Variants in TOM1L2 observed in about 807,000 individuals in gnomAD.
TOM1L2 encodes TOM1-like protein 2.
A neutral mutation model predicts 67.9 loss-of-function variants in TOM1L2; 31 were observed. That is an observed-to-expected ratio of 0.46 (90% CI 0.34 to 0.62). TOM1L2 has a LOEUF of 0.62. TOM1L2 is among the 20% of genes least tolerant of loss of function. The pLI is 0.01. For missense variants in TOM1L2, 606 were observed against 663.5 expected (o/e 0.91, Z 0.95); for synonymous variants, 256 against 254.0 (o/e 1.01, Z -0.07).
intron 1 of TOM1L2, among the ~76,000 whole-genome samples, chr17:17,914,148 C>T (rs372982501): frequency 2.0e-5 from 3 of 152,150 alleles, no homozygotes; most frequent in Non-Finnish European, 2.9e-5. Context: ...TCCCTCTGGG[C>T]GTGGACAGAG....
intron 14 of TOM1L2, 126 bp from the exon 15 acceptor site, chr17:17,847,909 G>A (rs2035738468): frequency 3.9e-6 from 5 of 1,266,816 alleles, no homozygotes; most frequent in East Asian, 2.3e-5. Flanking sequence ...GGAGCAGGTG[G>A]GTAGGGAGGG....
At chr17:17,883,812 G>A (rs2037852107) in intron 5 of TOM1L2, among the ~76,000 whole-genome samples, 2 of 152,142 alleles carry the variant, frequency 1.3e-5, no homozygotes, top group Admixed American at 1.3e-4. Flanking sequence ...AAATTAAGTC[G>A]TGTTCCTACG....
chr17:17,874,365 G>T (rs1222300938), intron 7 of TOM1L2, among the ~76,000 whole-genome samples: 1 of 151,944 alleles, frequency 6.6e-6, no homozygotes, highest in Non-Finnish European at 1.5e-5. Context: ...CCGCCTCCCA[G>T]GTTCAAGCAA....
intron 12 of TOM1L2, among the ~76,000 whole-genome samples, chr17:17,860,230 G>A (rs530932442): frequency 1.3e-4 from 20 of 152,366 alleles, no homozygotes; most frequent in South Asian, 8.3e-4. Flanking sequence ...TAATGCCCAC[G>A]CTGGGGCAGG....
intron 1 of TOM1L2, among the ~76,000 whole-genome samples, chr17:17,960,546 C>A (rs183176909): frequency 6.6e-6 from 1 of 152,274 alleles, no homozygotes; most frequent in East Asian, 1.9e-4. Flanking sequence ...CCATGTTGCC[C>A]AGACTGGTCT....
Position 17,903,102 on chromosome 17 carries a change from G to A in TOM1L2, c.137+4345C>T, listed in dbSNP as rs146724090. Reference sequence around the variant, plus strand: ...TCACTTCCTCCAAGAAGGCTTTGCTGCCAAAAGTCCCAAGGCTGACCACTG... The same window carrying A: ...TCACTTCCTCCAAGAAGGCTTTGCTACCAAAAGTCCCAAGGCTGACCACTG... On this transcript the variant is annotated intron_variant, in intron 2 of 14. Transcript: ENST00000379504. 8.5e-5 allele frequency among the ~76,000 whole-genome samples: 13 copies of A among 152,232 alleles called. No homozygotes were observed. In the East Asian group the frequency reaches 2.5e-3, roughly 29 times the overall value.
chr17:17,884,921 C>A (rs1382572139), intron 4 of TOM1L2, among the ~76,000 whole-genome samples, 153 bp from the exon 5 acceptor site: 1 of 152,194 alleles, frequency 6.6e-6, no homozygotes, highest in Non-Finnish European at 1.5e-5. Context: ...CCTCTCCTTC[C>A]GCAACTGCTG....
chr17:17,940,940 C>G (rs2040708632), intron 1 of TOM1L2, among the ~76,000 whole-genome samples: 1 of 152,204 alleles, frequency 6.6e-6, no homozygotes, highest in Admixed American at 6.5e-5. Context: ...GGAGGCTTCT[C>G]TATGATGCTT....
At chr17:17,917,893 T>C (rs774612139) in intron 1 of TOM1L2, among the ~76,000 whole-genome samples, 6 of 152,046 alleles carry the variant, frequency 3.9e-5, no homozygotes, top group Admixed American at 3.3e-4. Context: ...AGGTCAAGGC[T>C]GCACTGAGCC....
chr17:17,863,812 G>A lies in TOM1L2; in HGVS notation c.1085-964C>T, dbSNP rs182199340. ...GATCTTCCCACCTCGGCCTCCCAAA[G>A]TGATGAGATTGCAAGTGTGAGCCAC... On this transcript the variant is annotated intron_variant, in intron 10 of 14. Coordinates refer to ENST00000379504, the MANE Select transcript of TOM1L2 (RefSeq NM_001082968.2). 2.6e-3 allele frequency among the ~76,000 whole-genome samples: 388 copies of A among 152,102 alleles called. 1 individual carries two copies. The highest frequency in any genetic ancestry group is 8.9e-3 in the African/African-American group (368 of 41,442).
intron 6 of TOM1L2, among the ~76,000 whole-genome samples, chr17:17,880,734 G>A (rs760206829): frequency 2.0e-5 from 3 of 152,180 alleles, no homozygotes; most frequent in Non-Finnish European, 4.4e-5. Context: ...CTACAGAAAG[G>A]TGGCACTAAC....
At chr17:17,950,462 CTT>C (rs1002265522) in intron 1 of TOM1L2, among the ~76,000 whole-genome samples, 14 of 147,728 alleles carry the variant, frequency 9.5e-5, no homozygotes, top group Non-Finnish European at 1.2e-4. Context: ...CCTAGCCTCT[CTT>C]TTTTTTTTTT....
At chr17:17,923,831 C>T (rs1464293705) in intron 1 of TOM1L2, among the ~76,000 whole-genome samples, 2 of 151,786 alleles carry the variant, frequency 1.3e-5, no homozygotes, top group Non-Finnish European at 2.9e-5. Context: ...AGAGCAAGAA[C>T]TTGTGTCTAA....
At chr17:17,882,955 G>T in intron 5 of TOM1L2, 92 bp from the exon 6 acceptor site, 2 of 1,495,320 alleles carry the variant, frequency 1.3e-6, no homozygotes, top group Non-Finnish European at 9.2e-7. Flanking sequence ...ACTTCCCCAA[G>T]GCTGCCCACG....
chr17:17,897,080 C>T (rs1350931165), intron 3 of TOM1L2, among the ~76,000 whole-genome samples: 4 of 152,198 alleles, frequency 2.6e-5, no homozygotes, highest in Non-Finnish European at 4.4e-5. Flanking sequence ...GGCAAGTAAA[C>T]GCAGAGTTCA....
chr17:17,857,996 C>A lies in TOM1L2; in HGVS notation c.1278+3480G>T, dbSNP rs112464513. 67 of 713,444 alleles carry A rather than the reference C, an allele frequency of 9.4e-5. 1 individual carries two copies. Among genetic ancestry groups the A allele is most frequent in the African/African-American group, 9.1e-4 (51 of 56,352 alleles). 44.2% of individuals were successfully genotyped at this position (713,444 alleles called of 1,614,324 possible). A position where few individuals can be genotyped will look rare whatever the true frequency, so the allele number is the denominator to read the frequency against. On this transcript the variant is annotated intron_variant, in intron 12 of 14. Transcript: ENST00000379504. Reference sequence around the variant, plus strand: ...CCTGCTCCCAACCTCCACCCCAGCACGTCCCCCTTACCTGCCTGGAAAAAA... The same window carrying A: ...CCTGCTCCCAACCTCCACCCCAGCAAGTCCCCCTTACCTGCCTGGAAAAAA...
intron 1 of TOM1L2, among the ~76,000 whole-genome samples, chr17:17,934,182 G>C (rs2144725889): frequency 6.6e-6 from 1 of 152,290 alleles, no homozygotes; most frequent in East Asian, 1.9e-4. Context: ...CATTTTCAAA[G>C]TGCTCCAATC....
chr17:17,951,158 T>G (rs1303592726), intron 1 of TOM1L2, among the ~76,000 whole-genome samples: 1 of 152,110 alleles, frequency 6.6e-6, no homozygotes, highest in East Asian at 1.9e-4. Flanking sequence ...CCATAAATCC[T>G]AGATGATAAT....
chr17:17,903,322 G>A (rs1168141782), intron 2 of TOM1L2, among the ~76,000 whole-genome samples: 2 of 152,142 alleles, frequency 1.3e-5, no homozygotes, highest in African/African-American at 4.8e-5. Context: ...TAGGTGCTAG[G>A]GACAAAATGT....
Sources: allele counts gnomAD v4.1 joint callset (sites outside exome capture counted in the v4.1 genomes callset), GRCh38; gene constraint gnomAD v4.1.1; transcripts MANE v1.5; gene names NCBI Gene and HGNC (gene_info 2026-07-23, HGNC 2026-07-21).